The following RPRD2 variants were observed in gnomAD, a reference collection of about 807,000 sequenced individuals.
RPRD2 encodes the protein regulation of nuclear pre-mRNA domain containing 2.
In RPRD2, 12 loss-of-function variants were observed where a neutral mutation model predicts 104.4. The observed-to-expected ratio is 0.11, with a 90% confidence interval of 0.07 to 0.19. The LOEUF is 0.19. Among genes scored for constraint, RPRD2 ranks in the 10% least tolerant of loss-of-function variants. RPRD2 has a pLI of 1.00. For missense variants in RPRD2, 1,543 were observed against 1,790.1 expected (o/e 0.86, Z 2.49); for synonymous variants, 714 against 684.9 (o/e 1.04, Z -0.66).
intron 10 of RPRD2, 85 bp from the exon 11 acceptor site, chr1:150,470,476 A>G: frequency 7.3e-7 from 1 of 1,377,592 alleles, no homozygotes; most frequent in East Asian, 2.4e-5. Flanking sequence ...ACCAAAATGA[A>G]TGAGAGTATC....
At chr1:150,463,119 A>C (rs751141502) in intron 9 of RPRD2, among the ~76,000 whole-genome samples, 2 of 152,046 alleles carry the variant, frequency 1.3e-5, no homozygotes, top group Admixed American at 6.6e-5. Context: ...GCCTCCTAAA[A>C]TGTTGGGATT....
At chr1:150,441,069 T>C (rs1553894332) in intron 3 of RPRD2, 46 bp downstream of exon 3, 1 of 899,740 alleles carries the variant, frequency 1.1e-6, no homozygotes, top group Non-Finnish European at 1.7e-6. Context: ...GAGTCAGTCT[T>C]TACAATTACA....
Position 150,471,301 on chromosome 1 carries a change from T to TCTGTATCTA in RPRD2, c.2355_2363dup (p.Val786_Thr788dup). ...AAGCTACCCCCGAGAGCTCTCCAAT[T>TCTGTATCTA]CTGTATCTACATATCGACCCTTTGG... On this transcript the variant is annotated inframe_insertion, in exon 11 of 11. Transcript: ENST00000369068. The surrounding 1 kb of genome is among the most constrained non-coding windows in gnomAD (Gnocchi z 5.3). 3 of 1,613,662 alleles carry TCTGTATCTA rather than the reference T, an allele frequency of 1.9e-6. No individual in the cohort carries two copies. Among genetic ancestry groups the TCTGTATCTA allele is most frequent in the South Asian group, 1.1e-5 (1 of 91,046 alleles).
chr1:150,399,633 T>A (rs1260389), intron 1 of RPRD2, among the ~76,000 whole-genome samples: 45,083 of 151,504 alleles, frequency 0.3, 8,141 homozygotes, highest in Non-Finnish European at 0.4. Flanking sequence ...GGTGGGCGCC[T>A]GTAATCCCAG....
At chr1:150,455,843 T>G (rs1667487805) in intron 7 of RPRD2, among the ~76,000 whole-genome samples, 2 of 152,140 alleles carry the variant, frequency 1.3e-5, no homozygotes, top group Non-Finnish European at 2.9e-5. Flanking sequence ...AGATAGGGTC[T>G]CGCTTTGTCA....
At chr1:150,463,098 C>T (rs1553899153) in intron 9 of RPRD2, among the ~76,000 whole-genome samples, 1 of 152,154 alleles carries the variant, frequency 6.6e-6, no homozygotes, top group African/African-American at 2.4e-5. Context: ...TCAAGTGTTC[C>T]TCCCATCTTG....
intron 7 of RPRD2, among the ~76,000 whole-genome samples, chr1:150,451,268 C>G (rs1667149534): frequency 6.6e-6 from 1 of 152,264 alleles, no homozygotes; most frequent in East Asian, 1.9e-4. Context: ...AGATGGCACA[C>G]AAGTTTGGTT....
intron 2 of RPRD2, among the ~76,000 whole-genome samples, chr1:150,433,987 C>G (rs1665828696): frequency 6.6e-6 from 1 of 151,968 alleles, no homozygotes; most frequent in Non-Finnish European, 1.5e-5. Context: ...ACTGAACCAT[C>G]AATAGACTTA....
intron 1 of RPRD2, among the ~76,000 whole-genome samples, chr1:150,401,064 T>C (rs1662957554): frequency 6.6e-6 from 1 of 151,936 alleles, no homozygotes; most frequent in African/African-American, 2.4e-5. Flanking sequence ...TAGTCACAGC[T>C]ACTCAGGAGG....
intron 2 of RPRD2, among the ~76,000 whole-genome samples, chr1:150,425,892 C>T (rs990047278): frequency 6.6e-5 from 10 of 152,080 alleles, no homozygotes; most frequent in East Asian, 1.9e-4. Context: ...AGCAGTATCA[C>T]CTAAGCCCAG....
chr1:150,435,435 TTG>T (rs1491418742), intron 2 of RPRD2, among the ~76,000 whole-genome samples: 2 of 152,136 alleles, frequency 1.3e-5, no homozygotes, highest in Admixed American at 6.6e-5. Flanking sequence ...GCTAGGCCTC[TTG>T]CACCAGTTAG....
At position 150,474,589 on chromosome 1, in the gene RPRD2, T is replaced by C. The variant is rs1668794970; in HGVS notation, c.*1255T>C. 6.6e-6 allele frequency: 1 copy of C among 152,206 alleles called. No homozygotes were observed. Among genetic ancestry groups the C allele is most frequent in the Admixed American group, 6.5e-5 (1 of 15,284 alleles). The allele number at this position is 152,206 out of a possible 1,614,324, so 9.4% of individuals were successfully genotyped here. A position where few individuals can be genotyped will look rare whatever the true frequency, so the allele number is the denominator to read the frequency against. On this transcript the variant is annotated 3_prime_UTR_variant, in exon 11 of 11. Coordinates refer to ENST00000369068, the MANE Select transcript of RPRD2 (RefSeq NM_015203.5). Reference sequence around the variant, plus strand: ...CCTTCTCCCTGGACTGAAAGACTTGTTTGTATTTCTACATCTAGTACTTGG... The same window carrying C: ...CCTTCTCCCTGGACTGAAAGACTTGCTTGTATTTCTACATCTAGTACTTGG...
chr1:150,388,099 G>A (rs1207147932), intron 1 of RPRD2, among the ~76,000 whole-genome samples: 1 of 150,930 alleles, frequency 6.6e-6, no homozygotes, highest in Non-Finnish European at 1.5e-5. Context: ...GTATTTTTTT[G>A]TAGAGACGGG....
chr1:150,445,757 T>G (rs1553895366), intron 6 of RPRD2, among the ~76,000 whole-genome samples: 1 of 152,120 alleles, frequency 6.6e-6, no homozygotes, highest in African/African-American at 2.4e-5. Context: ...TTTTGTGATT[T>G]GGAGAAACTT....
intron 6 of RPRD2, 53 bp downstream of exon 6, chr1:150,444,430 T>C: frequency 6.4e-7 from 1 of 1,567,694 alleles, no homozygotes; most frequent in South Asian, 1.2e-5. Flanking sequence ...ATATGTGTCA[T>C]TTTTCCAGTA....
intron 7 of RPRD2, among the ~76,000 whole-genome samples, chr1:150,448,153 A>G (rs1307525869): frequency 6.6e-6 from 1 of 152,014 alleles, no homozygotes; most frequent in Non-Finnish European, 1.5e-5. Flanking sequence ...TCAATCAACT[A>G]TATTTACTTT....
intron 3 of RPRD2, chr1:150,441,439 C>A: frequency 5.2e-6 from 1 of 191,574 alleles, no homozygotes; most frequent in Non-Finnish European, 1.1e-5. Context: ...TTTAGACTGT[C>A]TTTTGATTTA....
chr1:150,382,988 G>A (rs1661247606), intron 1 of RPRD2, among the ~76,000 whole-genome samples: 1 of 151,414 alleles, frequency 6.6e-6, no homozygotes. Context: ...TGCCCGGCTG[G>A]GATTTTTTAT....
chr1:150,365,480 T>C (rs932748103), intron 1 of RPRD2, among the ~76,000 whole-genome samples: 10 of 152,240 alleles, frequency 6.6e-5, no homozygotes, highest in Admixed American at 3.9e-4. Context: ...GGGTTTTCCC[T>C]GTACCTGTGT....
Sources: allele counts gnomAD v4.1 joint callset (sites outside exome capture counted in the v4.1 genomes callset), GRCh38; gene constraint gnomAD v4.1.1; non-coding constraint Gnocchi (gnomAD v3.1); transcripts MANE v1.5; gene names NCBI Gene and HGNC (gene_info 2026-07-23, HGNC 2026-07-21).